Variants in SNX31 observed in about 807,000 individuals in gnomAD.
The protein encoded by SNX31 is sorting nexin 31.
A neutral mutation model predicts 65.4 loss-of-function variants in SNX31; 58 were observed. That is an observed-to-expected ratio of 0.89 (90% CI 0.72 to 1.10). The LOEUF (loss-of-function observed/expected upper bound fraction) is 1.10. Ranked by LOEUF, SNX31 falls within the 50% of genes least tolerant of loss-of-function variation. SNX31 has a pLI of 0.00. For missense variants in SNX31, 523 were observed against 529.7 expected, an observed-to-expected ratio of 0.99 and a Z score of 0.12; for synonymous variants, 181 against 190.1, an observed-to-expected ratio of 0.95 and a Z score of 0.39.
intron 5 of SNX31, among the ~76,000 whole-genome samples, chr8:100,615,870 C>T (rs10096723): frequency 0.58 from 87,852 of 151,656 alleles, 26,842 homozygotes; most frequent in African/African-American, 0.77. Context: ...CCCGGGTTCA[C>T]GCCATTCTCC....
chr8:100,580,876 C>A (rs1813434398), intron 12 of SNX31, among the ~76,000 whole-genome samples: 1 of 152,146 alleles, frequency 6.6e-6, no homozygotes, highest in African/African-American at 2.4e-5. Context: ...TTAAATAAAG[C>A]AATCCTTTAT....
Position 100,660,123 on chromosome 8 carries a change from A to G in SNX31, c.-58+3019T>C, listed in dbSNP as rs781561520. ...AGTGAAATGATTTTGCTCAAATTAT[A>G]TATCAGTTATTATGATTATTAGTTA... On this transcript the variant is annotated intron_variant, in intron 1 of 5. Transcript: ENST00000520352. The surrounding 1 kb of genome is among the most constrained non-coding windows in gnomAD (Gnocchi z 4.1). 1.3e-5 allele frequency among the ~76,000 whole-genome samples: 2 copies of G among 152,210 alleles called. No homozygotes were observed. The highest frequency in any genetic ancestry group is 2.4e-5 in the African/African-American group (1 of 41,464).
intron 2 of SNX31, among the ~76,000 whole-genome samples, chr8:100,638,869 A>G (rs937692230): frequency 6.6e-6 from 1 of 152,224 alleles, no homozygotes; most frequent in Admixed American, 6.5e-5. Context: ...TTATTCAGAA[A>G]TAAAATGAAA....
chr8:100,576,937 T>G lies in SNX31; in HGVS notation c.1227+82A>C. 8.0e-6 allele frequency: 9 copies of G among 1,125,302 alleles called. No homozygotes were observed. The highest frequency in any genetic ancestry group is 1.2e-5 in the Non-Finnish European group (9 of 762,238). 69.7% of individuals were successfully genotyped at this position (1,125,302 alleles called of 1,614,324 possible). On this transcript the variant is annotated intron_variant, in intron 13 of 13. Coordinates refer to ENST00000311812, the MANE Select transcript of SNX31 (RefSeq NM_152628.4). This position sits in a 1 kb window ranked among gnomAD's most constrained non-coding sequence, Gnocchi z 4.8. ...CATAATTCTGACTTATTATTGAAAG[T>G]GAGATGACTTTGGTTAAAGAGGAAA...
At chr8:100,635,553 T>TCA (rs1818709034) in intron 3 of SNX31, among the ~76,000 whole-genome samples, 14 of 124,460 alleles carry the variant, frequency 1.1e-4, no homozygotes, top group Admixed American at 1.1e-3. Context: ...ACTTCATCTC[T>TCA]TAAAAAAAAA....
rs1816839394 is a variant in SNX31, at chr8:100,612,901, G to A, written c.523+94C>T. 1.3e-5 allele frequency: 13 copies of A among 1,027,560 alleles called. No homozygotes were observed. In the South Asian group the frequency reaches 1.7e-4, roughly 13 times the overall value. 63.7% of individuals were successfully genotyped at this position (1,027,560 alleles called of 1,614,324 possible). On this transcript the variant is annotated intron_variant, in intron 6 of 13. Transcript: ENST00000311812. This position sits in a 1 kb window ranked among gnomAD's most constrained non-coding sequence, Gnocchi z 4.3. ...ACAGTGGTAGGGATCACAGCCCAGT[G>A]GGTGGCCAGCCCCTCAGCTGTGACT...
In SNX31 at chr8:100,588,781, G is replaced by T. The variant is rs1814291448; in HGVS notation, c.1092+85C>A. ...CACTTTAGGGTCCTGCTCTAGTTGGGTTAGGGTCATGTGCTTCATCCACCC... is the reference window on the plus strand; with the variant it reads ...CACTTTAGGGTCCTGCTCTAGTTGGTTTAGGGTCATGTGCTTCATCCACCC... On this transcript the variant is annotated intron_variant, in intron 11 of 13. Coordinates refer to ENST00000311812, the MANE Select transcript of SNX31 (RefSeq NM_152628.4). The surrounding 1 kb of genome is among the most constrained non-coding windows in gnomAD (Gnocchi z 4.8). The T allele has an allele frequency of 1.1e-6, 1 of 947,874 alleles. No individual in the cohort carries two copies. The highest frequency in any genetic ancestry group is 1.7e-6 in the Non-Finnish European group (1 of 589,410). 58.7% of individuals were successfully genotyped at this position (947,874 alleles called of 1,614,324 possible). A position where few individuals can be genotyped will look rare whatever the true frequency, so the allele number is the denominator to read the frequency against.
At chr8:100,634,753 T>C (rs1457125087) in intron 3 of SNX31, among the ~76,000 whole-genome samples, 2 of 110,130 alleles carry the variant, frequency 1.8e-5, no homozygotes, top group Non-Finnish European at 3.7e-5. Flanking sequence ...TGTCTCTCTG[T>C]CTTAAAAAAA....
intron 1 of SNX31, 35 bp from the exon 2 acceptor site, chr8:100,649,383 C>T (rs767590326): frequency 6.2e-7 from 1 of 1,612,070 alleles, no homozygotes; most frequent in African/African-American, 1.3e-5. Context: ...CCTGGTGAGC[C>T]GAGGGATAAG....
At position 100,626,096 on chromosome 8, in the gene SNX31, T is replaced by A. The variant is rs1265524558; in HGVS notation, c.321+4231A>T. ...CAAAAATTAACTGGGTGTGGTGGCA[T>A]GCGCCTGTAGTCCCAGCAACTCAGG... is the stretch of plus-strand genomic sequence containing the variant. On this transcript the variant is annotated intron_variant, in intron 4 of 13. Coordinates refer to ENST00000311812, the MANE Select transcript of SNX31 (RefSeq NM_152628.4). This position sits in a 1 kb window ranked among gnomAD's most constrained non-coding sequence, Gnocchi z 4.4. Among the ~76,000 whole-genome samples, 1 of 152,138 alleles carries A rather than the reference T, an allele frequency of 6.6e-6. No individual in the cohort carries two copies. Among genetic ancestry groups the A allele is most frequent in the African/African-American group, 2.4e-5 (1 of 41,436 alleles).
intron 2 of SNX31, among the ~76,000 whole-genome samples, chr8:100,643,081 C>G (rs1030105226): frequency 7.0e-6 from 1 of 143,268 alleles, no homozygotes; most frequent in African/African-American, 2.8e-5. Context: ...ATCCCAGGTA[C>G]CCGGGAGGCT....
intron 1 of SNX31, among the ~76,000 whole-genome samples, chr8:100,656,934 G>A: frequency 6.6e-6 from 1 of 152,166 alleles, no homozygotes; most frequent in Non-Finnish European, 1.5e-5. Context: ...CAGTCTGGCA[G>A]CGAGAAGTAT....
chr8:100,580,063 C>A (rs968255287), intron 12 of SNX31, among the ~76,000 whole-genome samples: 1 of 149,740 alleles, frequency 6.7e-6, no homozygotes, highest in African/African-American at 2.5e-5. Context: ...TAGGAGACTG[C>A]AGTGGGGATG....
chr8:100,595,251 C>T (rs1814965232), intron 10 of SNX31, among the ~76,000 whole-genome samples: 1 of 151,198 alleles, frequency 6.6e-6, no homozygotes, highest in Non-Finnish European at 1.5e-5. Context: ...GGAAACTGTT[C>T]AATCCATCCA....
chr8:100,640,121 T>C (rs1819057412), intron 2 of SNX31, among the ~76,000 whole-genome samples: 1 of 152,028 alleles, frequency 6.6e-6, no homozygotes, highest in Non-Finnish European at 1.5e-5. Flanking sequence ...AGATAATTTC[T>C]TTTCTTTTCT....
chr8:100,652,934 G>A (rs1161729982), upstream of SNX31, among the ~76,000 whole-genome samples: 1 of 152,164 alleles, frequency 6.6e-6, no homozygotes, highest in Admixed American at 6.5e-5. Flanking sequence ...CAACAGTCAA[G>A]GCTGTGGCCA....
At chr8:100,618,190 T>C in intron 4 of SNX31, 1 of 1,432,300 alleles carries the variant, frequency 7.0e-7, no homozygotes, top group Non-Finnish European at 9.1e-7. Context: ...TTGGAAGGGT[T>C]GTTTTGTGGG....
chr8:100,631,777 T>C (rs1340169559), intron 3 of SNX31, among the ~76,000 whole-genome samples: 2 of 152,192 alleles, frequency 1.3e-5, no homozygotes, highest in Admixed American at 6.5e-5. Context: ...TGAGGGGTAA[T>C]TCCCGGAGTG....
rs1403156355 is a variant in SNX31, at chr8:100,573,342, G to A, written c.*523C>T. On this transcript the variant is annotated 3_prime_UTR_variant, in exon 14 of 14. Transcript: ENST00000311812. ...TTCATCACCTCCTTGCTCTAGTTCT[G>A]TGTGGATAGATCAGAGAACCCAGGT... 6.6e-6 allele frequency: 1 copy of A among 152,216 alleles called. No homozygotes were observed. Among genetic ancestry groups the A allele is most frequent in the African/African-American group, 2.4e-5 (1 of 41,446 alleles). 9.4% of individuals were successfully genotyped at this position (152,216 alleles called of 1,614,324 possible). A position where few individuals can be genotyped will look rare whatever the true frequency, so the allele number is the denominator to read the frequency against.
Sources: gnomAD v4.1 joint callset for allele counts (sites outside exome capture counted in the v4.1 genomes callset) on GRCh38, gnomAD v4.1.1 for gene constraint, Gnocchi (gnomAD v3.1) non-coding constraint, MANE v1.5 for transcripts, NCBI Gene and HGNC (gene_info 2026-07-23, HGNC 2026-07-21) for gene names.